Variants in CFAP58 observed in about 807,000 individuals in gnomAD.
CFAP58 encodes cilia- and flagella-associated protein 58.
CFAP58 carries 88 observed loss-of-function variants against 119.5 expected under a neutral mutation model. That is an observed-to-expected ratio of 0.74 (90% CI 0.62 to 0.88). The LOEUF is 0.88. Among genes scored for constraint, CFAP58 ranks in the 40% least tolerant of loss-of-function variants. The probability of loss-of-function intolerance (pLI) is 0.00; values close to 1 mark genes in which losing one functional copy is unlikely to be tolerated. For synonymous variants in CFAP58, 365 were observed against 366.3 expected, an observed-to-expected ratio of 1.00 and a Z score of 0.04; for missense variants, 990 against 1,021.2, an observed-to-expected ratio of 0.97 and a Z score of 0.42.
At chr10:104,406,386 A>G (rs1444925983) in intron 14 of CFAP58, among the ~76,000 whole-genome samples, 1 of 152,234 alleles carries the variant, frequency 6.6e-6, no homozygotes, top group Non-Finnish European at 1.5e-5. Context: ...GCAAAGAATC[A>G]TATATCAAGC....
At chr10:104,419,864 T>C (rs2012626826) in intron 15 of CFAP58, among the ~76,000 whole-genome samples, 1 of 152,208 alleles carries the variant, frequency 6.6e-6, no homozygotes, top group Admixed American at 6.5e-5. Flanking sequence ...GTTAAAAATT[T>C]AGCATAAGAA....
At chr10:104,382,731 C>T (rs1358219776) in intron 9 of CFAP58, among the ~76,000 whole-genome samples, 1 of 152,144 alleles carries the variant, frequency 6.6e-6, no homozygotes, top group African/African-American at 2.4e-5. Flanking sequence ...AGAAGTTCCT[C>T]CTTCATTCTT....
intron 3 of CFAP58, among the ~76,000 whole-genome samples, chr10:104,364,427 AACACACACACACACAC>A (rs66757511): frequency 4.3e-4 from 61 of 142,242 alleles, no homozygotes; most frequent in Non-Finnish European, 3.5e-4. Flanking sequence ...ATGTCTGTAA[AACACACACACACACAC>A]ACACACACAC....
At chr10:104,381,614 TA>T (rs2011804630) in intron 9 of CFAP58, among the ~76,000 whole-genome samples, 1 of 150,980 alleles carries the variant, frequency 6.6e-6, no homozygotes, top group African/African-American at 2.5e-5. Flanking sequence ...CTTGCATGCT[TA>T]AATTTTTTTT....
intron 7 of CFAP58, among the ~76,000 whole-genome samples, chr10:104,375,065 GA>G (rs1166701243): frequency 2.0e-5 from 3 of 151,388 alleles, no homozygotes; most frequent in East Asian, 1.9e-4. Context: ...TGTTTTGGGG[GA>G]AAAACTCAAC....
chr10:104,358,369 A>C lies in CFAP58; in HGVS notation c.38A>C (p.Glu13Ala), dbSNP rs1172141649. The change falls in exon 2 of 18, where the codon GAA (glutamate) becomes GCA (alanine). Residue 13 changes from glutamate (E) to alanine (A), a missense_variant. Physicochemically the swap from Glu to Ala is moderately radical, Grantham distance 107. Coordinates refer to ENST00000369704, the MANE Select transcript of CFAP58 (RefSeq NM_001008723.2). Reference sequence around the variant, plus strand: ...AAGGGTGGAAAGCAAGTCCTGGAAGAATCTGCATTTGAAGAAATGGAAAGA... The same window carrying C: ...AAGGGTGGAAAGCAAGTCCTGGAAGCATCTGCATTTGAAGAAATGGAAAGA... ...EEKGGKQVLE[E>A]SAFEEMERDF... 5 of 1,613,484 alleles carry C rather than the reference A, an allele frequency of 3.1e-6. No homozygotes were observed. The South Asian group carries it at 3.3e-5, about 11-fold the overall frequency.
rs117474510 is a variant in CFAP58, at chr10:104,448,583, G to A, written c.2376+766G>A. On this transcript the variant is annotated intron_variant, in intron 16 of 17. Transcript: ENST00000369704. The stretch of plus-strand genomic sequence containing the variant: ...TGAATTCTGGCACTTCCTGCCCAAT[G>A]AGGGTAATAATCGTTGACTTTCTGC... Among the ~76,000 whole-genome samples, 26 of 152,328 alleles carry A rather than the reference G, an allele frequency of 1.7e-4. No homozygotes were observed. In the East Asian group the frequency reaches 5.0e-3, roughly 29 times the overall value.
At chr10:104,375,356 TC>T (rs1310944035) in intron 7 of CFAP58, among the ~76,000 whole-genome samples, 1 of 152,092 alleles carries the variant, frequency 6.6e-6, no homozygotes, top group Non-Finnish European at 1.5e-5. Flanking sequence ...TTTTTTCACT[TC>T]CGTTTATCTG....
In CFAP58 at chr10:104,398,649, C is replaced by A. The variant is rs73335170; in HGVS notation, c.1675-711C>A. ...TCTGAGAAAGCAGTCCTGCTACCCCCAGTCTAATGATGATTTTTTCTTTGA... is the reference window on the plus strand; with the variant it reads ...TCTGAGAAAGCAGTCCTGCTACCCCAAGTCTAATGATGATTTTTTCTTTGA... On this transcript the variant is annotated intron_variant, in intron 11 of 17. Coordinates refer to ENST00000369704, the MANE Select transcript of CFAP58 (RefSeq NM_001008723.2). Among the ~76,000 whole-genome samples the A allele has an allele frequency of 9.6e-3, 1,461 of 152,280 alleles. 23 individuals carry two copies. The highest frequency in any genetic ancestry group is 0.034 in the African/African-American group (1,397 of 41,556).
upstream of CFAP58, among the ~76,000 whole-genome samples, chr10:104,350,746 TC>T (rs1282879606): frequency 6.6e-6 from 1 of 152,232 alleles, no homozygotes; most frequent in East Asian, 1.9e-4. Context: ...CTTCTGTCTT[TC>T]CCCTAATACA....
chr10:104,345,890 T>G, the CFAP58 span, among the ~76,000 whole-genome samples: 1 of 152,072 alleles, frequency 6.6e-6, no homozygotes, highest in Non-Finnish European at 1.5e-5. Context: ...TCAAAGGTAT[T>G]TTGTGCTTTG....
At chr10:104,387,255 A>T (rs1008992411) in intron 9 of CFAP58, among the ~76,000 whole-genome samples, 1 of 152,254 alleles carries the variant, frequency 6.6e-6, no homozygotes, top group Non-Finnish European at 1.5e-5. Flanking sequence ...ACAGAGGTTC[A>T]GCTGACCTAA....
intron 15 of CFAP58, among the ~76,000 whole-genome samples, chr10:104,442,225 T>A (rs2013047441): frequency 6.6e-6 from 1 of 152,032 alleles, no homozygotes; most frequent in Non-Finnish European, 1.5e-5. Flanking sequence ...ATGTGTGCAA[T>A]TAGGATTTCT....
intron 15 of CFAP58, 66 bp from the exon 16 acceptor site, chr10:104,447,632 G>A: frequency 6.3e-7 from 1 of 1,589,838 alleles, no homozygotes. Flanking sequence ...TGGCCATGCA[G>A]TGAAAGGCAT....
At chr10:104,415,091 A>G (rs897999539) in intron 15 of CFAP58, among the ~76,000 whole-genome samples, 2 of 152,092 alleles carry the variant, frequency 1.3e-5, no homozygotes, top group African/African-American at 4.8e-5. Flanking sequence ...CTCTGCAACC[A>G]CAGGGCAGTG....
At chr10:104,342,309 GA>G in the CFAP58 span, among the ~76,000 whole-genome samples, 1 of 152,048 alleles carries the variant, frequency 6.6e-6, no homozygotes, top group South Asian at 2.1e-4. Flanking sequence ...TTTTATAGGT[GA>G]AAAAAACCCC....
chr10:104,384,384 G>T (rs992344563), intron 9 of CFAP58, among the ~76,000 whole-genome samples: 2 of 152,190 alleles, frequency 1.3e-5, no homozygotes, highest in African/African-American at 4.8e-5. Flanking sequence ...ATTGGGCAAA[G>T]GTAAACCCCT....
Position 104,450,183 on chromosome 10 carries a change from A to G in CFAP58, c.2489A>G (p.Lys830Arg), listed in dbSNP as rs957271361. The G allele has an allele frequency of 1.5e-5, 24 of 1,612,990 alleles. No homozygotes were observed. Among genetic ancestry groups the G allele is most frequent in the African/African-American group, 2.7e-5 (2 of 74,868 alleles). Residue 830 changes from lysine to arginine, a missense_variant, in exon 17 of 18, where the codon AAA becomes AGA. Coordinates refer to ENST00000369704, the MANE Select transcript of CFAP58 (RefSeq NM_001008723.2). Reference sequence around the variant, plus strand: ...TTAAAGAAGAAATACCTCGCTCAGAAACGTAAAGAACAACTTCAAAAGTAA... The same window carrying G: ...TTAAAGAAGAAATACCTCGCTCAGAGACGTAAAGAACAACTTCAAAAGTAA... ...QNLKKKYLAQ[K>R]RKEQLQKNKD...
chr10:104,393,375 A>G lies in CFAP58; in HGVS notation c.1574A>G (p.Gln525Arg), dbSNP rs772507702. The G allele has an allele frequency of 6.2e-7, 1 of 1,613,916 alleles. No individual in the cohort carries two copies. The highest frequency in any genetic ancestry group is 1.3e-5 in the African/African-American group (1 of 75,074). Residue 525 changes from glutamine (Q) to arginine (R), a missense_variant, in exon 11 of 18, where the codon CAG becomes CGG. Physicochemically the swap from Gln to Arg is conservative, Grantham distance 43 (BLOSUM62 1). Transcript: ENST00000369704. ...AGAAAGTTAAAGATTATGATCCATC[A>G]GGTAGATGAGCTGAAAGAAGACATC... ...MKRKLKIMIH[Q>R]VDELKEDISA... is the part of the protein sequence containing the mutation.
Sources: gnomAD v4.1 joint callset for allele counts (sites outside exome capture counted in the v4.1 genomes callset) on GRCh38, gnomAD v4.1.1 for gene constraint, MANE v1.5 for transcripts, NCBI Gene and HGNC (gene_info 2026-07-23, HGNC 2026-07-21) for gene names.